TRAPPC9: variants seen among roughly 807,000 people sequenced by gnomAD.
TRAPPC9 encodes the protein IKK2 binding protein.
In TRAPPC9, 83 loss-of-function variants were observed where a neutral mutation model predicts 124.0. The ratio of observed to expected loss-of-function variants is 0.67; its 90% CI spans 0.56 to 0.80. TRAPPC9 has a LOEUF of 0.80. Ranked by LOEUF, TRAPPC9 falls within the 30% of genes least tolerant of loss-of-function variation. TRAPPC9 has a pLI of 0.00. For synonymous variants in TRAPPC9, 638 were observed against 617.5 expected (o/e 1.03, Z -0.49); for missense variants, 1,302 against 1,508.3 (o/e 0.86, Z 2.27).
intron 17 of TRAPPC9, among the ~76,000 whole-genome samples, chr8:140,107,566 C>T (rs1194437352): frequency 2.0e-5 from 3 of 152,186 alleles, no homozygotes; most frequent in African/African-American, 7.2e-5. Flanking sequence ...TGGGAGTGGC[C>T]CTCAGTTCCA....
At chr8:139,963,572 C>T (rs920979395) in intron 19 of TRAPPC9, among the ~76,000 whole-genome samples, 1 of 151,986 alleles carries the variant, frequency 6.6e-6, no homozygotes, top group African/African-American at 2.4e-5. Flanking sequence ...GGCCTCAGGT[C>T]ACGTGGGCCC....
At chr8:139,845,705 G>GT (rs1827032523) in intron 21 of TRAPPC9, among the ~76,000 whole-genome samples, 1 of 152,222 alleles carries the variant, frequency 6.6e-6, no homozygotes, top group African/African-American at 2.4e-5. Context: ...TACAGTGCAG[G>GT]TGCCTGGCAC....
rs559708392 is a variant in TRAPPC9, at chr8:140,130,193, G to T, written c.2556+91266C>A. Among the ~76,000 whole-genome samples the T allele has an allele frequency of 3.9e-5, 6 of 152,318 alleles. No homozygotes were observed. The East Asian group carries it at 1.2e-3, about 29-fold the overall frequency. On this transcript the variant is annotated intron_variant, in intron 17 of 22. Transcript: ENST00000438773. ...CATCACCATTAAACAGAATGAGACT[G>T]TGAATTCATAGTGCTGTGAAGAAAG...
At chr8:139,759,521 G>A (rs112987709) in intron 21 of TRAPPC9, among the ~76,000 whole-genome samples, 2 of 152,250 alleles carry the variant, frequency 1.3e-5, no homozygotes, top group African/African-American at 2.4e-5. Context: ...TCAAAGGCCC[G>A]GAAAGATATG....
chr8:139,996,011 G>T (rs1837941539), intron 18 of TRAPPC9, among the ~76,000 whole-genome samples: 1 of 150,848 alleles, frequency 6.6e-6, no homozygotes, highest in Non-Finnish European at 1.5e-5. Flanking sequence ...TGAGGAAAAA[G>T]TAAGTAACAG....
At chr8:140,404,680 A>ATG (rs538188293) in intron 6 of TRAPPC9, among the ~76,000 whole-genome samples, 1 of 151,890 alleles carries the variant, frequency 6.6e-6, no homozygotes, top group Non-Finnish European at 1.5e-5. Context: ...GTATGTGAGC[A>ATG]TGTGTGTGTA....
chr8:139,759,250 G>A lies in TRAPPC9; in HGVS notation c.3056-27048C>T, dbSNP rs545703695. Among the ~76,000 whole-genome samples the A allele has an allele frequency of 3.9e-5, 6 of 152,326 alleles. No individual in the cohort carries two copies. The East Asian group carries it at 1.2e-3, about 29-fold the overall frequency. On this transcript the variant is annotated intron_variant, in intron 21 of 22. Transcript: ENST00000438773. ...GGGGTGCTTCTGAACTCAGTCCCCT[G>A]GGAAAGGGAAGGCAAAGCCGGAAGG...
chr8:140,277,109 C>G (rs1322101950), intron 14 of TRAPPC9, among the ~76,000 whole-genome samples: 1 of 152,202 alleles, frequency 6.6e-6, no homozygotes, highest in Non-Finnish European at 1.5e-5. Flanking sequence ...CTTGGTGTCA[C>G]ACACTATTGG....
intron 21 of TRAPPC9, among the ~76,000 whole-genome samples, chr8:139,769,820 T>C (rs888316016): frequency 2.0e-5 from 3 of 152,234 alleles, no homozygotes; most frequent in African/African-American, 7.2e-5. Flanking sequence ...GTACAAATTG[T>C]TTAAAACATG....
intron 17 of TRAPPC9, among the ~76,000 whole-genome samples, chr8:140,188,918 C>T (rs530806518): frequency 6.6e-6 from 1 of 152,218 alleles, no homozygotes; most frequent in Admixed American, 6.5e-5. Context: ...GAATGGCCAA[C>T]AGGCAGCCCT....
At chr8:139,981,344 T>C (rs1836878294) in intron 19 of TRAPPC9, among the ~76,000 whole-genome samples, 1 of 152,200 alleles carries the variant, frequency 6.6e-6, no homozygotes. Context: ...CACATCAGGA[T>C]GCTTTCCCCT....
At chr8:140,010,936 T>A (rs1839075915) in intron 18 of TRAPPC9, among the ~76,000 whole-genome samples, 3 of 152,182 alleles carry the variant, frequency 2.0e-5, no homozygotes, top group Admixed American at 6.5e-5. Context: ...GAAGGGCACA[T>A]GATCTGTAAA....
At chr8:140,056,437 A>G (rs1224655498) in intron 17 of TRAPPC9, among the ~76,000 whole-genome samples, 1 of 151,922 alleles carries the variant, frequency 6.6e-6, no homozygotes, top group Non-Finnish European at 1.5e-5. Context: ...ACAAGTAACA[A>G]CAAAAACCTA....
intron 17 of TRAPPC9, among the ~76,000 whole-genome samples, chr8:140,204,838 T>C (rs1405067210): frequency 6.6e-6 from 1 of 152,156 alleles, no homozygotes; most frequent in Non-Finnish European, 1.5e-5. Flanking sequence ...TTTACAGGAA[T>C]GAAAACAGAC....
rs149891997 is a variant in TRAPPC9, at chr8:140,078,999, G to A, written c.2557-54920C>T. ...ATAATTCCCATGGGAATTATGTCAT[G>A]GGAGGGACCCAGTGGGAGGTAACTG... On this transcript the variant is annotated intron_variant, in intron 17 of 22. Transcript: ENST00000438773. Among the ~76,000 whole-genome samples, 83 of 152,248 alleles carry A rather than the reference G, an allele frequency of 5.5e-4. No homozygotes were observed. In the Middle Eastern group the frequency reaches 0.01, roughly 19 times the overall value.
intron 21 of TRAPPC9, among the ~76,000 whole-genome samples, chr8:139,790,449 C>T (rs1459534534): frequency 1.3e-5 from 2 of 152,274 alleles, no homozygotes; most frequent in East Asian, 1.9e-4. Context: ...AGACCACAGC[C>T]GGTGCTCACA....
intron 21 of TRAPPC9, among the ~76,000 whole-genome samples, chr8:139,804,395 C>CCA (rs1228854529): frequency 7.4e-6 from 1 of 135,062 alleles, no homozygotes; most frequent in Non-Finnish European, 1.6e-5. Context: ...AACACCACCA[C>CCA]CACACACACA....
intron 15 of TRAPPC9, among the ~76,000 whole-genome samples, chr8:140,269,548 AAAATAAAATAAAT>A (rs200108006): frequency 0.26 from 34,627 of 133,000 alleles, 4,289 homozygotes; most frequent in African/African-American, 0.36. Flanking sequence ...CTCAAAAAAT[AAAATAAAATAAAT>A]AAATAAATAA....
At chr8:139,964,508 G>C (rs1587357102) in intron 19 of TRAPPC9, among the ~76,000 whole-genome samples, 1 of 152,276 alleles carries the variant, frequency 6.6e-6, no homozygotes, top group East Asian at 1.9e-4. Flanking sequence ...TCTTCTACCA[G>C]GCACTGAGAA....
Sources: gnomAD v4.1 joint callset for allele counts (sites outside exome capture counted in the v4.1 genomes callset) on GRCh38, gnomAD v4.1.1 for gene constraint, MANE v1.5 for transcripts, NCBI Gene and HGNC (gene_info 2026-07-23, HGNC 2026-07-21) for gene names.